RALYL: variants seen among roughly 807,000 people sequenced by gnomAD.
RALYL encodes the protein RNA-binding Raly-like protein.
In RALYL, 29 loss-of-function variants were observed where a neutral mutation model predicts 35.1. The observed-to-expected ratio is 0.83, with a 90% CI of 0.61 to 1.13. RALYL has a LOEUF of 1.13. Among genes scored for constraint, RALYL ranks in the 50% most tolerant of loss-of-function variants. The probability of loss-of-function intolerance (pLI) is 0.00; values close to 1 mark genes in which losing one functional copy is unlikely to be tolerated. For missense variants in RALYL, 359 were observed against 360.4 expected (o/e 1.00, Z 0.03); for synonymous variants, 120 against 127.6 (o/e 0.94, Z 0.40).
At chr8:84,431,299 T>G (rs747621820) in intron 1 of RALYL, among the ~76,000 whole-genome samples, 11 of 152,078 alleles carry the variant, frequency 7.2e-5, no homozygotes, top group Non-Finnish European at 1.6e-4. Context: ...CTCCACAAAT[T>G]GTGCACTTGG....
chr8:84,681,752 G>A (rs1455403311), intron 2 of RALYL, among the ~76,000 whole-genome samples: 1 of 152,080 alleles, frequency 6.6e-6, no homozygotes, highest in Non-Finnish European at 1.5e-5. Flanking sequence ...GAGACAATGG[G>A]GTTTTCTAAA....
chr8:84,658,954 A>AACAAG (rs1487776976), intron 2 of RALYL, among the ~76,000 whole-genome samples: 3 of 152,154 alleles, frequency 2.0e-5, no homozygotes, highest in Non-Finnish European at 2.9e-5. Context: ...AACAAAACAA[A>AACAAG]ACAAAAAACT....
At chr8:84,791,464 G>C (rs1288435991) in intron 3 of RALYL, among the ~76,000 whole-genome samples, 1 of 152,164 alleles carries the variant, frequency 6.6e-6, no homozygotes, top group Non-Finnish European at 1.5e-5. Flanking sequence ...AGCACTTTGG[G>C]TTTCACTCTG....
intron 1 of RALYL, among the ~76,000 whole-genome samples, chr8:84,345,439 A>G (rs1586478772): frequency 6.6e-6 from 1 of 152,098 alleles, no homozygotes; most frequent in Admixed American, 6.6e-5. Context: ...CTACTATGAC[A>G]TATCTACCTC....
At chr8:84,600,021 T>C (rs1815544682) in intron 2 of RALYL, among the ~76,000 whole-genome samples, 1 of 151,926 alleles carries the variant, frequency 6.6e-6, no homozygotes, top group Admixed American at 6.6e-5. Context: ...AATTTTTATG[T>C]TGCCAATCTT....
intron 1 of RALYL, among the ~76,000 whole-genome samples, chr8:84,212,316 A>G (rs1819681099): frequency 6.6e-6 from 1 of 152,132 alleles, no homozygotes. Flanking sequence ...TTTCTCCCTT[A>G]CCATAAATTA....
At chr8:84,814,899 C>G (rs775718318) in intron 4 of RALYL, among the ~76,000 whole-genome samples, 3 of 152,198 alleles carry the variant, frequency 2.0e-5, no homozygotes, top group Non-Finnish European at 4.4e-5. Flanking sequence ...AAGTGTGATT[C>G]TGTTTGCACA....
chr8:84,605,076 G>A (rs1013029324), intron 2 of RALYL, among the ~76,000 whole-genome samples: 6 of 152,034 alleles, frequency 3.9e-5, no homozygotes, highest in African/African-American at 1.2e-4. Flanking sequence ...GTAAATCAAG[G>A]GAAGTCTCAG....
intron 5 of RALYL, among the ~76,000 whole-genome samples, chr8:84,854,925 T>C (rs1290066674): frequency 6.6e-6 from 1 of 152,134 alleles, no homozygotes; most frequent in Non-Finnish European, 1.5e-5. Flanking sequence ...ATCTCTGAGA[T>C]GGGGATATGG....
At chr8:84,631,368 T>A (rs1823869801) in intron 2 of RALYL, among the ~76,000 whole-genome samples, 1 of 152,002 alleles carries the variant, frequency 6.6e-6, no homozygotes. Flanking sequence ...TTTAAAAGCC[T>A]TTTAGTGTTT....
chr8:84,560,217 A>G (rs1302804834), intron 2 of RALYL, among the ~76,000 whole-genome samples: 1 of 151,974 alleles, frequency 6.6e-6, no homozygotes, highest in Non-Finnish European at 1.5e-5. Context: ...GTGCCAGGTT[A>G]CCAATCTATC....
chr8:84,790,074 A>G (rs1377549217), intron 3 of RALYL, among the ~76,000 whole-genome samples: 1 of 152,236 alleles, frequency 6.6e-6, no homozygotes, highest in East Asian at 1.9e-4. Flanking sequence ...GGCAGTTAGT[A>G]GTCTCACTGG....
intron 2 of RALYL, among the ~76,000 whole-genome samples, chr8:84,579,689 T>A (rs1281345033): frequency 6.6e-6 from 1 of 152,246 alleles, no homozygotes; most frequent in African/African-American, 2.4e-5. Flanking sequence ...GTTATATAAA[T>A]CATTGGATAA....
intron 2 of RALYL, among the ~76,000 whole-genome samples, chr8:84,623,479 G>C (rs1052398337): frequency 8.0e-5 from 12 of 150,856 alleles, no homozygotes; most frequent in Non-Finnish European, 1.6e-4. Flanking sequence ...TCATCCTACT[G>C]TCCTGTAAGT....
At chr8:84,382,878 T>G (rs1268148646) in intron 1 of RALYL, among the ~76,000 whole-genome samples, 1 of 151,746 alleles carries the variant, frequency 6.6e-6, no homozygotes, top group African/African-American at 2.4e-5. Flanking sequence ...TTCTACGTTA[T>G]TTATCTTTGC....
At chr8:84,298,966 C>CTA (rs1840275437) in intron 1 of RALYL, among the ~76,000 whole-genome samples, 1 of 151,960 alleles carries the variant, frequency 6.6e-6, no homozygotes, top group Non-Finnish European at 1.5e-5. Context: ...TGCGAAGAGA[C>CTA]TATAGAGTTT....
intron 1 of RALYL, among the ~76,000 whole-genome samples, chr8:84,199,560 A>AT (rs1440448775): frequency 2.0e-5 from 3 of 152,142 alleles, no homozygotes; most frequent in South Asian, 2.1e-4. Flanking sequence ...TTACTCAATA[A>AT]TTTTTTGCCC....
intron 1 of RALYL, among the ~76,000 whole-genome samples, chr8:84,452,923 A>G (rs2049670032): frequency 6.6e-6 from 1 of 151,904 alleles, no homozygotes; most frequent in South Asian, 2.1e-4. Flanking sequence ...CAATTTCCTG[A>G]TTTTATATTC....
At chr8:84,831,788 A>C (rs1830985674) in intron 4 of RALYL, among the ~76,000 whole-genome samples, 1 of 152,132 alleles carries the variant, frequency 6.6e-6, no homozygotes. Context: ...AAAAAATAGA[A>C]ACCATAACAA....
Sources: allele counts gnomAD v4.1 joint callset (sites outside exome capture counted in the v4.1 genomes callset), GRCh38; gene constraint gnomAD v4.1.1; transcripts MANE v1.5; gene names NCBI Gene and HGNC (gene_info 2026-07-23, HGNC 2026-07-21).